EPS15L1: variants seen among roughly 807,000 people sequenced by gnomAD.
The protein encoded by EPS15L1 is epidermal growth factor receptor substrate 15-like 1.
A neutral mutation model predicts 117.1 loss-of-function variants in EPS15L1; 43 were observed. The observed-to-expected ratio is 0.37, with a 90% CI of 0.29 to 0.47. The LOEUF is 0.47. EPS15L1 is among the 20% of genes least tolerant of loss of function. The pLI, the probability that EPS15L1 is intolerant of heterozygous loss-of-function variation, is 0.99. For synonymous variants in EPS15L1, 459 were observed against 470.5 expected, an observed-to-expected ratio of 0.98 and a Z score of 0.32; for missense variants, 981 against 1,164.0, an observed-to-expected ratio of 0.84 and a Z score of 2.29.
Position 16,377,638 on chromosome 19 carries a change from T to C in EPS15L1, c.2248-384A>G, listed in dbSNP as rs534654523. ...TTCAGAGACACGCCCCACCCTCACC[T>C]GTATGCTGGCTGTGGTGCTTGGCAC... On this transcript the variant is annotated intron_variant, in intron 21 of 23. Coordinates refer to ENST00000455140, the MANE Select transcript of EPS15L1 (RefSeq NM_001258374.3). 3.6e-4 allele frequency among the ~76,000 whole-genome samples: 55 copies of C among 152,340 alleles called. No homozygotes were observed. The South Asian group carries it at 3.9e-3, about 11-fold the overall frequency.
rs1356036678 is a variant in EPS15L1 at position 16,404,471 on chromosome 19, C to G, written c.1428+117G>C. On this transcript the variant is annotated intron_variant, in intron 14 of 23. Coordinates refer to ENST00000455140, the MANE Select transcript of EPS15L1 (RefSeq NM_001258374.3). The surrounding 1 kb of genome is among the most constrained non-coding windows in gnomAD (Gnocchi z 4.2). ...TTTCCACGTGGTGTTTGGAGGAACTCTATTGACCCAGTAGGATGTCTAAGT... is the reference window on the plus strand; with the variant it reads ...TTTCCACGTGGTGTTTGGAGGAACTGTATTGACCCAGTAGGATGTCTAAGT... 25 of 1,191,466 alleles carry G rather than the reference C, an allele frequency of 2.1e-5. No homozygotes were observed. Among genetic ancestry groups the G allele is most frequent in the Non-Finnish European group, 2.4e-5 (20 of 845,428 alleles). 73.8% of individuals were successfully genotyped at this position (1,191,466 alleles called of 1,614,324 possible).
intron 1 of EPS15L1, among the ~76,000 whole-genome samples, chr19:16,459,801 C>T (rs138736176): frequency 2.6e-5 from 4 of 152,254 alleles, no homozygotes; most frequent in Non-Finnish European, 5.9e-5. Context: ...GGAGGTCAGG[C>T]AAGGCTGTGA....
At position 16,405,788 on chromosome 19, in the gene EPS15L1, G is replaced by C. The variant is rs947407163; in HGVS notation, c.1267-1039C>G. Among the ~76,000 whole-genome samples the C allele has an allele frequency of 2.6e-5, 4 of 152,246 alleles. No homozygotes were observed. Among genetic ancestry groups the C allele is most frequent in the African/African-American group, 9.6e-5 (4 of 41,464 alleles). ...CATGAACAGCACCTCCGGGGATGGG[G>C]ACACCCAAGAAGAGGGCAGAGGCTT... On this transcript the variant is annotated intron_variant, in intron 13 of 23. Coordinates refer to ENST00000455140, the MANE Select transcript of EPS15L1 (RefSeq NM_001258374.3). This position sits in a 1 kb window ranked among gnomAD's most constrained non-coding sequence, Gnocchi z 4.0.
At chr19:16,458,845 T>C (rs1351297712) in intron 1 of EPS15L1, among the ~76,000 whole-genome samples, 1 of 152,222 alleles carries the variant, frequency 6.6e-6, no homozygotes, top group East Asian at 1.9e-4. Flanking sequence ...TCACTCCTTG[T>C]CTTGGCACAA....
At chr19:16,407,879 G>A (rs1399223011) in intron 13 of EPS15L1, among the ~76,000 whole-genome samples, 7 of 152,172 alleles carry the variant, frequency 4.6e-5, no homozygotes, top group Non-Finnish European at 8.8e-5. Context: ...CTAGACACTA[G>A]TGGAGACCCT....
chr19:16,356,324 T>A (rs544795494), intron 23 of EPS15L1: 32 of 160,686 alleles, frequency 2.0e-4, no homozygotes, highest in Middle Eastern at 6.3e-3. Flanking sequence ...TTTCTTTTTT[T>A]TTTTTTGAGA....
rs148885009 is a variant in EPS15L1, at chr19:16,397,930, T to C, written c.1792-2463A>G. ...TTAAAAAAACAGCACAACACCCTCA[T>C]TGAATTTGGCAGACACACTGGCATT... On this transcript the variant is annotated intron_variant, in intron 16 of 23. Coordinates refer to ENST00000455140, the MANE Select transcript of EPS15L1 (RefSeq NM_001258374.3). Among the ~76,000 whole-genome samples the C allele has an allele frequency of 1.1e-4, 17 of 152,216 alleles. 1 individual carries two copies. The South Asian group carries it at 1.5e-3, about 13-fold the overall frequency.
At chr19:16,366,972 A>G (rs1384216318) in intron 22 of EPS15L1, among the ~76,000 whole-genome samples, 7 of 152,086 alleles carry the variant, frequency 4.6e-5, no homozygotes, top group African/African-American at 1.4e-4. Flanking sequence ...AAACGTGACA[A>G]AGTAACTTTA....
Position 16,413,788 on chromosome 19 carries a change from T to G in EPS15L1, c.1251A>C (p.Lys417Asn). 6.2e-7 allele frequency: 1 copy of G among 1,613,946 alleles called. No individual in the cohort carries two copies. Among genetic ancestry groups the G allele is most frequent in the Non-Finnish European group, 8.5e-7 (1 of 1,179,838 alleles). The change falls in exon 13 of 24, where the codon AAA (lysine) becomes AAC (asparagine). Residue 417 changes from lysine to asparagine, a missense_variant. Lys to Asn is a moderately conservative substitution (Grantham distance 94). Transcript: ENST00000455140. ...IREKEEAIRQ[K>N]TSEVQELQND... ...AGACCCTTACCTGCACCTCGCTGGT[T>G]TTCTGTCTGATTGCCTCTTCCTTTT... is the stretch of plus-strand genomic sequence containing the variant.
chr19:16,457,883 C>A (rs371166145), intron 1 of EPS15L1, among the ~76,000 whole-genome samples: 30 of 152,068 alleles, frequency 2.0e-4, no homozygotes, highest in East Asian at 1.2e-3. Context: ...GGGGGGAACA[C>A]CGAGAGGGGC....
chr19:16,402,060 G>A, intron 16 of EPS15L1: 2 of 1,231,646 alleles, frequency 1.6e-6, no homozygotes, highest in Non-Finnish European at 2.0e-6. Flanking sequence ...CTTCCGCAGA[G>A]ATGGAGGGCA....
At chr19:16,444,387 G>A (rs2093063525) in intron 1 of EPS15L1, among the ~76,000 whole-genome samples, 1 of 152,180 alleles carries the variant, frequency 6.6e-6, no homozygotes, top group South Asian at 2.1e-4. Flanking sequence ...CACCATTCCT[G>A]GGTGAGGGGT....
chr19:16,460,359 C>A (rs2093236981), intron 1 of EPS15L1, among the ~76,000 whole-genome samples: 1 of 152,178 alleles, frequency 6.6e-6, no homozygotes, highest in African/African-American at 2.4e-5. Context: ...ATTTTACACA[C>A]AGCAGATAAG....
Position 16,361,760 on chromosome 19 carries a change from G to A in EPS15L1, c.2586+19C>T, listed in dbSNP as rs773968543. The stretch of plus-strand genomic sequence containing the variant: ...GCGGAAGGGAGTGGGGTGGCCCGGA[G>A]GCGGAGGACTCAACTTACAGAGGTG... On this transcript the variant is annotated intron_variant, in intron 23 of 23. Coordinates refer to ENST00000455140, the MANE Select transcript of EPS15L1 (RefSeq NM_001258374.3). 5 of 1,606,832 alleles carry A rather than the reference G, an allele frequency of 3.1e-6. No homozygotes were observed. The highest frequency in any genetic ancestry group is 2.5e-6 in the Non-Finnish European group (3 of 1,176,518).
intron 1 of EPS15L1, among the ~76,000 whole-genome samples, chr19:16,462,188 A>T (rs2093259692): frequency 6.6e-6 from 1 of 152,174 alleles, no homozygotes; most frequent in Admixed American, 6.5e-5. Flanking sequence ...GCACAGGGAC[A>T]ATGGCACCAT....
At chr19:16,424,790 G>A (rs887466868) in intron 9 of EPS15L1, among the ~76,000 whole-genome samples, 7 of 151,870 alleles carry the variant, frequency 4.6e-5, no homozygotes, top group African/African-American at 1.5e-4. Flanking sequence ...CCTCCCGAGT[G>A]GCTGGGATTA....
intron 1 of EPS15L1, among the ~76,000 whole-genome samples, chr19:16,450,700 C>T (rs907165539): frequency 1.3e-5 from 2 of 151,956 alleles, no homozygotes; most frequent in Non-Finnish European, 2.9e-5. Flanking sequence ...CCAGGATGGT[C>T]TCGCCCTCCT....
At chr19:16,457,077 C>T (rs2093204822) in intron 1 of EPS15L1, among the ~76,000 whole-genome samples, 2 of 152,104 alleles carry the variant, frequency 1.3e-5, no homozygotes, top group South Asian at 2.1e-4. Context: ...ACTGCCATGG[C>T]CCTCCAGCAG....
At chr19:16,413,919 G>A in intron 12 of EPS15L1, 74 bp from the exon 13 acceptor site, 1 of 1,135,948 alleles carries the variant, frequency 8.8e-7, no homozygotes, top group Non-Finnish European at 1.3e-6. Context: ...GCCTGATTCT[G>A]TTCACCCCCA....
Sources: gnomAD v4.1 joint callset for allele counts (sites outside exome capture counted in the v4.1 genomes callset) on GRCh38, gnomAD v4.1.1 for gene constraint, Gnocchi (gnomAD v3.1) non-coding constraint, MANE v1.5 for transcripts, NCBI Gene and HGNC (gene_info 2026-07-23, HGNC 2026-07-21) for gene names.